The following TXNDC16 variants were observed in gnomAD, a reference collection of about 807,000 sequenced individuals.
TXNDC16 encodes the protein thioredoxin domain-containing protein 16.
In TXNDC16, 74 loss-of-function variants were observed where a neutral mutation model predicts 85.6. The observed-to-expected ratio is 0.86, with a 90% CI of 0.72 to 1.05. The LOEUF (loss-of-function observed/expected upper bound fraction) is 1.05. TXNDC16 is among the 50% of genes least tolerant of loss of function. TXNDC16 has a pLI of 0.00. For synonymous variants in TXNDC16, 335 were observed against 326.5 expected, an observed-to-expected ratio of 1.03 and a Z score of -0.28; for missense variants, 959 against 947.0, an observed-to-expected ratio of 1.01 and a Z score of -0.17.
intron 16 of TXNDC16, 70 bp from the exon 17 acceptor site, chr14:52,457,244 G>C (rs942670682): frequency 6.4e-6 from 5 of 784,460 alleles, no homozygotes; most frequent in Non-Finnish European, 1.0e-5. Context: ...CTGATGAAGA[G>C]ATTTATAGGT....
chr14:52,485,353 T>C (rs2036244898), intron 12 of TXNDC16, among the ~76,000 whole-genome samples: 1 of 152,174 alleles, frequency 6.6e-6, no homozygotes, highest in Non-Finnish European at 1.5e-5. Context: ...TTTAATGTTA[T>C]CACAAAACAG....
At chr14:52,552,195 G>A (rs916235861) in intron 1 of TXNDC16, 121 bp downstream of exon 1, 1 of 152,294 alleles carries the variant, frequency 6.6e-6, no homozygotes. Flanking sequence ...CCCAGAGACG[G>A]GTGTCTTAAG....
chr14:52,470,006 C>T (rs747540206), intron 16 of TXNDC16, 31 bp downstream of exon 16: 30 of 1,580,414 alleles, frequency 1.9e-5, no homozygotes, highest in Non-Finnish European at 2.3e-5. Flanking sequence ...ATATACTCTA[C>T]TGTATAATTT....
At chr14:52,528,901 T>C (rs1311441143) in intron 6 of TXNDC16, among the ~76,000 whole-genome samples, 2 of 147,374 alleles carry the variant, frequency 1.4e-5, no homozygotes, top group African/African-American at 4.9e-5. Flanking sequence ...ATACCTATTA[T>C]ATATATTATC....
chr14:52,485,355 A>G (rs2140147559), intron 12 of TXNDC16, among the ~76,000 whole-genome samples: 1 of 152,374 alleles, frequency 6.6e-6, no homozygotes, highest in African/African-American at 2.4e-5. Context: ...TAATGTTATC[A>G]CAAAACAGTC....
intron 20 of TXNDC16, among the ~76,000 whole-genome samples, chr14:52,433,416 C>T (rs2034953072): frequency 6.6e-6 from 1 of 152,042 alleles, no homozygotes; most frequent in Non-Finnish European, 1.5e-5. Flanking sequence ...AAAAAATAAA[C>T]TATATAAGGA....
chr14:52,522,199 C>T (rs2037226097), intron 6 of TXNDC16, among the ~76,000 whole-genome samples: 1 of 152,154 alleles, frequency 6.6e-6, no homozygotes, highest in Admixed American at 6.5e-5. Context: ...TTATCTCCAA[C>T]GTGTTTGCTT....
chr14:52,445,923 G>A (rs754571771), intron 18 of TXNDC16, among the ~76,000 whole-genome samples: 2 of 152,126 alleles, frequency 1.3e-5, no homozygotes, highest in South Asian at 2.1e-4. Flanking sequence ...ATGCATGACT[G>A]TAAAAGTAAA....
chr14:52,528,878 T>C (rs2037402246), intron 6 of TXNDC16, among the ~76,000 whole-genome samples: 1 of 147,426 alleles, frequency 6.8e-6, no homozygotes, highest in African/African-American at 2.5e-5. Context: ...ACCTATTATA[T>C]ATATTATCTA....
Position 52,490,389 on chromosome 14 carries a change from A to G in TXNDC16, c.984+2T>C, listed in dbSNP as rs763097320. On this transcript the variant is annotated splice_donor_variant, in intron 11 of 20. Transcript: ENST00000281741. LOFTEE classifies it high-confidence loss of function. ...TGTAGAACAATACATAAAACAACTA[A>G]CCTCTTCTGCTCTTTTGAAGACCAC... is the stretch of plus-strand genomic sequence containing the variant. 6.3e-7 allele frequency: 1 copy of G among 1,588,868 alleles called. No homozygotes were observed. The highest frequency in any genetic ancestry group is 8.5e-7 in the Non-Finnish European group (1 of 1,169,894).
intron 18 of TXNDC16, among the ~76,000 whole-genome samples, chr14:52,449,679 G>A (rs541895093): frequency 6.6e-6 from 1 of 152,126 alleles, no homozygotes; most frequent in South Asian, 2.1e-4. Flanking sequence ...TCATTGTCAA[G>A]GATAGACTTT....
chr14:52,519,383 A>C (rs2087011942), intron 6 of TXNDC16, 90 bp from the exon 7 acceptor site: 1 of 903,826 alleles, frequency 1.1e-6, no homozygotes, highest in Admixed American at 2.4e-5. Flanking sequence ...CAAAAGAGAA[A>C]TATATCTCCA....
At chr14:52,441,596 G>A (rs1319253250) in intron 18 of TXNDC16, among the ~76,000 whole-genome samples, 1 of 150,032 alleles carries the variant, frequency 6.7e-6, no homozygotes, top group Non-Finnish European at 1.5e-5. Context: ...GCAACAGAGT[G>A]AGACTCTCAA....
intron 16 of TXNDC16, among the ~76,000 whole-genome samples, chr14:52,464,951 TA>T (rs2035737600): frequency 6.6e-6 from 1 of 151,744 alleles, no homozygotes; most frequent in Admixed American, 6.6e-5. Flanking sequence ...TCAAAAAAAA[TA>T]AAAAATATAA....
intron 9 of TXNDC16, among the ~76,000 whole-genome samples, chr14:52,505,222 T>A (rs1392353010): frequency 6.6e-6 from 1 of 152,204 alleles, no homozygotes; most frequent in African/African-American, 2.4e-5. Flanking sequence ...CAAGCAGACC[T>A]AATACACATC....
chr14:52,537,522 C>T, intron 5 of TXNDC16, 77 bp downstream of exon 5: 1 of 1,074,724 alleles, frequency 9.3e-7, no homozygotes, highest in Non-Finnish European at 1.4e-6. Flanking sequence ...TATTCTAGCT[C>T]AGTGATATTT....
chr14:52,474,143 T>G (rs984037135), intron 14 of TXNDC16, among the ~76,000 whole-genome samples: 2 of 152,194 alleles, frequency 1.3e-5, no homozygotes, highest in Non-Finnish European at 2.9e-5. Flanking sequence ...AGCCCTTGCA[T>G]TGAGGGGGCA....
chr14:52,550,058 A>G (rs2038014730), intron 1 of TXNDC16, among the ~76,000 whole-genome samples: 2 of 152,196 alleles, frequency 1.3e-5, no homozygotes, highest in South Asian at 4.1e-4. Context: ...AGCTGACACC[A>G]AGCTTTTCTA....
At chr14:52,463,194 T>TAA (rs34848366) in intron 16 of TXNDC16, among the ~76,000 whole-genome samples, 20,128 of 141,850 alleles carry the variant, frequency 0.14, 1,387 homozygotes, top group Non-Finnish European at 0.16. Context: ...CCAGTTCAGA[T>TAA]AAAAAAAAAA....
Sources: allele counts gnomAD v4.1 joint callset (sites outside exome capture counted in the v4.1 genomes callset), GRCh38; gene constraint gnomAD v4.1.1; transcripts MANE v1.5; gene names NCBI Gene and HGNC (gene_info 2026-07-23, HGNC 2026-07-21).